The following ROBO1 variants were observed in gnomAD, a reference collection of about 807,000 sequenced individuals.
ROBO1 encodes the protein roundabout guidance receptor 1.
ROBO1 carries 149 observed loss-of-function variants against 195.9 expected under a neutral mutation model. The ratio of observed to expected loss-of-function variants is 0.76; its 90% CI spans 0.67 to 0.87. The LOEUF (loss-of-function observed/expected upper bound fraction) is 0.87. ROBO1 is among the 40% of genes least tolerant of loss of function. The probability of loss-of-function intolerance (pLI) is 0.00; values close to 1 mark genes in which losing one functional copy is unlikely to be tolerated. For synonymous variants in ROBO1, 816 were observed against 733.2 expected (o/e 1.11, Z -1.82); for missense variants, 1,933 against 2,068.3 (o/e 0.93, Z 1.27).
intron 2 of ROBO1, among the ~76,000 whole-genome samples, chr3:79,434,194 G>A (rs570257242): frequency 3.9e-5 from 6 of 152,052 alleles, no homozygotes; most frequent in South Asian, 2.1e-4. Context: ...AGCAATGGCA[G>A]CAAAAGCCAA....
intron 2 of ROBO1, among the ~76,000 whole-genome samples, chr3:79,294,993 G>A (rs2032499986): frequency 6.6e-6 from 1 of 152,186 alleles, no homozygotes; most frequent in Non-Finnish European, 1.5e-5. Flanking sequence ...TTTTTACACT[G>A]TTGGTTGGAG....
intron 4 of ROBO1, among the ~76,000 whole-genome samples, chr3:78,749,984 T>C (rs1236029855): frequency 6.6e-6 from 1 of 152,214 alleles, no homozygotes; most frequent in African/African-American, 2.4e-5. Flanking sequence ...AAATCAGAGT[T>C]CCCACTAAGA....
At chr3:78,874,436 A>AT (rs2035720461) in intron 4 of ROBO1, among the ~76,000 whole-genome samples, 1 of 151,884 alleles carries the variant, frequency 6.6e-6, no homozygotes, top group Non-Finnish European at 1.5e-5. Context: ...CAAAATTTGC[A>AT]TTATAACTTA....
At chr3:78,684,282 A>G (rs905367098) in intron 10 of ROBO1, among the ~76,000 whole-genome samples, 3 of 152,174 alleles carry the variant, frequency 2.0e-5, no homozygotes, top group African/African-American at 7.2e-5. Flanking sequence ...TATACACAAA[A>G]GTCTATCTAC....
chr3:79,273,850 C>T lies in ROBO1; in HGVS notation c.89-148311G>A, dbSNP rs146984920. 2.5e-3 allele frequency among the ~76,000 whole-genome samples: 382 copies of T among 151,848 alleles called. 5 individuals are homozygous for T. The highest frequency in any genetic ancestry group is 8.0e-3 in the African/African-American group (330 of 41,464). On this transcript the variant is annotated intron_variant, in intron 2 of 30. Coordinates refer to ENST00000464233, the MANE Select transcript of ROBO1 (RefSeq NM_002941.4). ...CAGGAATAGCTATACTTGTATCAGA[C>T]AAAACAGATTTAAAAAACTATAATG...
chr3:79,612,620 G>T (rs1560037661), intron 1 of ROBO1, among the ~76,000 whole-genome samples: 2 of 147,318 alleles, frequency 1.4e-5, no homozygotes, highest in Non-Finnish European at 3.0e-5. Flanking sequence ...CTTCCACAAT[G>T]GTTGAACTAG....
At chr3:79,722,329 T>C (rs753173351) in intron 1 of ROBO1, among the ~76,000 whole-genome samples, 3 of 152,210 alleles carry the variant, frequency 2.0e-5, no homozygotes, top group Non-Finnish European at 2.9e-5. Flanking sequence ...ATTCACTGCA[T>C]CCTAATTTCC....
intron 7 of ROBO1, 195 bp from the exon 8 acceptor site, chr3:78,714,719 A>T (rs1439583386): frequency 2.3e-6 from 1 of 441,908 alleles, no homozygotes; most frequent in African/African-American, 2.0e-5. Context: ...TAACATATTA[A>T]ACTACTTTCT....
intron 2 of ROBO1, among the ~76,000 whole-genome samples, chr3:79,364,867 G>T (rs1217021307): frequency 6.6e-6 from 1 of 152,086 alleles, no homozygotes; most frequent in Non-Finnish European, 1.5e-5. Context: ...ATTTTCTGAC[G>T]AATTAACTGA....
At chr3:78,752,448 G>A (rs186791606) in intron 4 of ROBO1, among the ~76,000 whole-genome samples, 9 of 152,178 alleles carry the variant, frequency 5.9e-5, no homozygotes, top group African/African-American at 1.9e-4. Flanking sequence ...CTTATTGCAG[G>A]TTATTTTGAA....
intron 2 of ROBO1, among the ~76,000 whole-genome samples, chr3:79,439,328 A>G (rs2038982418): frequency 6.6e-6 from 1 of 152,104 alleles, no homozygotes; most frequent in Non-Finnish European, 1.5e-5. Flanking sequence ...TTTTAGGGGA[A>G]AAATGTTTCA....
intron 2 of ROBO1, among the ~76,000 whole-genome samples, chr3:79,463,173 A>T (rs553488178): frequency 6.6e-6 from 1 of 152,176 alleles, no homozygotes; most frequent in South Asian, 2.1e-4. Flanking sequence ...GGAGATCAAG[A>T]CCATCCTGGC....
At chr3:79,316,975 G>A (rs768515037) in intron 2 of ROBO1, among the ~76,000 whole-genome samples, 54 of 152,230 alleles carry the variant, frequency 3.5e-4, no homozygotes, top group Non-Finnish European at 6.3e-4. Context: ...ATTGCATGTT[G>A]CAAAACCAAA....
At chr3:79,436,120 C>A (rs2038878792) in intron 2 of ROBO1, among the ~76,000 whole-genome samples, 1 of 152,090 alleles carries the variant, frequency 6.6e-6, no homozygotes, top group Non-Finnish European at 1.5e-5. Flanking sequence ...AAGAAAGCTA[C>A]TTTAGTTTTT....
At position 78,627,370 on chromosome 3, in the gene ROBO1, G is replaced by A. The variant is rs1170119697; in HGVS notation, c.3826C>T (p.Gln1276Ter). The A allele has an allele frequency of 1.2e-6, 2 of 1,612,452 alleles. No individual in the cohort carries two copies. The highest frequency in any genetic ancestry group is 1.7e-6 in the Non-Finnish European group (2 of 1,179,318). Residue 1276 changes from glutamine to a stop codon, truncating the protein, a stop_gained, in exon 26 of 31, where the codon CAG becomes TAG. Coordinates refer to ENST00000464233, the MANE Select transcript of ROBO1 (RefSeq NM_002941.4). LOFTEE classifies it high-confidence loss of function. ...TGGCCAGTCTCCTCTGGACAATCCT[G>A]TAACATGGGCTGGAGTTCTTCCTGT... ...SPQEELQPML[Q>*]DCPEETGHMQ...
At chr3:79,425,795 T>C (rs2038422262) in intron 2 of ROBO1, among the ~76,000 whole-genome samples, 3 of 151,194 alleles carry the variant, frequency 2.0e-5, no homozygotes, top group African/African-American at 7.3e-5. Context: ...GAAAACCGAG[T>C]GACCATTTCC....
intron 1 of ROBO1, among the ~76,000 whole-genome samples, chr3:79,700,317 T>TTGTGTGTGTGTGTGTG (rs71130610): frequency 2.8e-4 from 41 of 144,250 alleles, no homozygotes; most frequent in African/African-American, 1.0e-3. Flanking sequence ...GTGTGTGTGT[T>TTGTGTGTGTGTGTGTG]TGTGTGTGTG....
In ROBO1 at chr3:78,833,218, G is replaced by GA. The variant is rs545158490; in HGVS notation, c.500-86319dup. Among the ~76,000 whole-genome samples the GA allele has an allele frequency of 1.9e-3, 282 of 151,422 alleles. 1 individual carries two copies. The highest frequency in any genetic ancestry group is 6.5e-3 in the African/African-American group (267 of 41,350). ...ATGCACGGCAATGAAAAATAAGGAT[G>GA]AAAAAAAAGGTTAGAAATCATTCAT... On this transcript the variant is annotated intron_variant, in intron 4 of 30. Transcript: ENST00000464233.
In ROBO1 at chr3:79,203,893, T is replaced by A. The variant is rs146779991; in HGVS notation, c.89-78354A>T. Among the ~76,000 whole-genome samples, 513 of 152,316 alleles carry A rather than the reference T, an allele frequency of 3.4e-3. 10 individuals are homozygous for A. Among genetic ancestry groups the A allele is most frequent in the East Asian group, 0.023 (120 of 5,180 alleles). On this transcript the variant is annotated intron_variant, in intron 2 of 30. Coordinates refer to ENST00000464233, the MANE Select transcript of ROBO1 (RefSeq NM_002941.4). ...TTTTTCTTTCTATTCCCATTCTGCA[T>A]TCCCTTTTGCCAATGCCACCCGCTA...
Sources: allele counts gnomAD v4.1 joint callset (sites outside exome capture counted in the v4.1 genomes callset), GRCh38; gene constraint gnomAD v4.1.1; transcripts MANE v1.5; gene names NCBI Gene and HGNC (gene_info 2026-07-23, HGNC 2026-07-21).